The following METTL9 variants were observed in gnomAD, a reference collection of about 807,000 sequenced individuals.
METTL9 encodes methyltransferase 9, His-X-His N1(pi)-histidine.
Under a neutral mutation model 36.0 loss-of-function variants are expected in METTL9, and 10 were observed. The observed-to-expected ratio is 0.28, with a 90% CI of 0.17 to 0.47. The LOEUF (loss-of-function observed/expected upper bound fraction) is 0.47. METTL9 is among the 20% of genes least tolerant of loss of function. METTL9 has a pLI of 0.99. For synonymous variants in METTL9, 175 were observed against 149.7 expected (o/e 1.17, Z -1.23); for missense variants, 246 against 383.5 (o/e 0.64, Z 3.00).
At chr16:21,613,090 G>A (rs561102913) in intron 2 of METTL9, among the ~76,000 whole-genome samples, 2 of 147,040 alleles carry the variant, frequency 1.4e-5, no homozygotes, top group South Asian at 4.3e-4. Context: ...TGGCTTTGAT[G>A]TACATAGGAA....
At chr16:21,635,165 C>T (rs1567339520) in intron 4 of METTL9, among the ~76,000 whole-genome samples, 1 of 152,162 alleles carries the variant, frequency 6.6e-6, no homozygotes, top group Non-Finnish European at 1.5e-5. Flanking sequence ...TGTAGGACAT[C>T]TGTGTACCTA....
chr16:21,599,181 G>T (rs183944740), upstream of METTL9, among the ~76,000 whole-genome samples: 2 of 152,072 alleles, frequency 1.3e-5, no homozygotes, highest in African/African-American at 4.8e-5. The surrounding 1 kb of genome is among the most constrained non-coding windows in gnomAD (Gnocchi z 4.4). Context: ...CCGTGGAGTG[G>T]GATGAGGGTC....
At chr16:21,618,544 C>T (rs1464594837) in intron 3 of METTL9, among the ~76,000 whole-genome samples, 3 of 152,108 alleles carry the variant, frequency 2.0e-5, no homozygotes, top group African/African-American at 7.2e-5. Context: ...TTTCCCTCCT[C>T]GTAACCCCTG....
chr16:21,632,063 T>C (rs552620852), intron 4 of METTL9, among the ~76,000 whole-genome samples: 2 of 152,168 alleles, frequency 1.3e-5, no homozygotes, highest in Non-Finnish European at 2.9e-5. Flanking sequence ...CAGCCACTTA[T>C]CCTGCTGTTC....
At chr16:21,649,613 G>C (rs1363636579) in intron 4 of METTL9, among the ~76,000 whole-genome samples, 1 of 152,208 alleles carries the variant, frequency 6.6e-6, no homozygotes. Context: ...ACTTAGCAAA[G>C]TTAAGCACTG....
chr16:21,632,155 C>T (rs944969115), intron 4 of METTL9, among the ~76,000 whole-genome samples: 1 of 152,190 alleles, frequency 6.6e-6, no homozygotes, highest in Non-Finnish European at 1.5e-5. Context: ...GCAAAAACTC[C>T]ATAATTGCCT....
intron 2 of METTL9, among the ~76,000 whole-genome samples, chr16:21,614,733 C>T (rs1011338898): frequency 1.3e-5 from 2 of 151,956 alleles, no homozygotes; most frequent in Non-Finnish European, 1.5e-5. Context: ...AAGGAGAAGG[C>T]CAAGTAAGGA....
At chr16:21,624,726 CA>C (rs1567333905) in intron 3 of METTL9, among the ~76,000 whole-genome samples, 1 of 144,168 alleles carries the variant, frequency 6.9e-6, no homozygotes, top group African/African-American at 2.6e-5. Context: ...GGCTGTGTCT[CA>C]AAAAAGAAAA....
intron 4 of METTL9, chr16:21,639,916 A>G (rs1339914488): frequency 6.6e-6 from 1 of 150,490 alleles, no homozygotes; most frequent in Non-Finnish European, 1.5e-5. Flanking sequence ...GTTTAAAAGA[A>G]ACACTTTATT....
At position 21,644,533 on chromosome 16, in the gene METTL9, G is replaced by A. The variant is rs529785606; in HGVS notation, c.752-10694G>A. On this transcript the variant is annotated intron_variant, in intron 4 of 4. Transcript: ENST00000358154. Reference sequence around the variant, plus strand: ...TGCTTGCCTATTCGTATAAAAACTAGACCTCAAAAGGTACTCAAGTATGTA... The same window carrying A: ...TGCTTGCCTATTCGTATAAAAACTAAACCTCAAAAGGTACTCAAGTATGTA... 14 of 610,930 alleles carry A rather than the reference G, an allele frequency of 2.3e-5. No individual in the cohort carries two copies. In the South Asian group the frequency reaches 2.8e-4, roughly 12 times the overall value. 37.8% of individuals were successfully genotyped at this position (610,930 alleles called of 1,614,324 possible).
At chr16:21,602,815 G>A (rs984904588) in intron 1 of METTL9, among the ~76,000 whole-genome samples, 6 of 151,890 alleles carry the variant, frequency 4.0e-5, no homozygotes, top group Admixed American at 2.6e-4. Context: ...ACACCACCAC[G>A]CCCAGATAAT....
intron 2 of METTL9, among the ~76,000 whole-genome samples, chr16:21,613,864 A>G (rs1030626674): frequency 1.4e-5 from 2 of 144,088 alleles, no homozygotes; most frequent in African/African-American, 5.2e-5. Flanking sequence ...TTTCTTGGCC[A>G]TGTTTTCAAG....
intron 3 of METTL9, among the ~76,000 whole-genome samples, chr16:21,624,626 C>T (rs966758366): frequency 2.0e-5 from 3 of 151,572 alleles, no homozygotes; most frequent in South Asian, 2.1e-4. Flanking sequence ...ACTGGGGAGG[C>T]GGAGGCAGGA....
intron 4 of METTL9, chr16:21,643,711 A>G: frequency 1.5e-6 from 1 of 656,588 alleles, no homozygotes; most frequent in Non-Finnish European, 2.6e-6. Flanking sequence ...GTGATATACA[A>G]TGAGACTTAA....
intron 2 of METTL9, 108 bp downstream of exon 2, chr16:21,612,943 A>G (rs1301771620): frequency 9.3e-6 from 9 of 964,610 alleles, no homozygotes; most frequent in East Asian, 5.5e-5. Context: ...CTGAGCTACA[A>G]TACTTCTACT....
At chr16:21,646,466 C>G (rs931231267) in intron 4 of METTL9, 5 of 156,510 alleles carry the variant, frequency 3.2e-5, no homozygotes, top group African/African-American at 1.2e-4. Flanking sequence ...TGGTGCATTA[C>G]CAGACTAGTT....
chr16:21,636,384 A>G (rs902744566), intron 4 of METTL9, among the ~76,000 whole-genome samples: 6 of 152,204 alleles, frequency 3.9e-5, no homozygotes, highest in African/African-American at 1.2e-4. Context: ...TGGAGTTTAT[A>G]CTAGAAATCA....
chr16:21,605,432 G>A (rs375713374), intron 1 of METTL9, among the ~76,000 whole-genome samples: 90 of 151,436 alleles, frequency 5.9e-4, no homozygotes, highest in African/African-American at 2.1e-3. Context: ...TTTTGTAGAG[G>A]CAGGGTCTTG....
At chr16:21,645,956 G>A (rs757801591) in intron 4 of METTL9, among the ~76,000 whole-genome samples, 2 of 152,186 alleles carry the variant, frequency 1.3e-5, no homozygotes, top group Non-Finnish European at 2.9e-5. Context: ...TAAAAGCACA[G>A]GTTATAATAC....
Sources: gnomAD v4.1 joint callset for allele counts (sites outside exome capture counted in the v4.1 genomes callset) on GRCh38, gnomAD v4.1.1 for gene constraint, Gnocchi (gnomAD v3.1) non-coding constraint, MANE v1.5 for transcripts, NCBI Gene and HGNC (gene_info 2026-07-23, HGNC 2026-07-21) for gene names.